CDH8: variants seen among roughly 807,000 people sequenced by gnomAD.
CDH8 encodes cadherin-8.
A neutral mutation model predicts 68.1 loss-of-function variants in CDH8; 17 were observed. That is an observed-to-expected ratio of 0.25 (90% CI 0.17 to 0.37). The LOEUF is 0.37. Ranked by LOEUF, CDH8 falls within the 10% of genes least tolerant of loss-of-function variation. The probability of loss-of-function intolerance (pLI) is 1.00; values close to 1 mark genes in which losing one functional copy is unlikely to be tolerated. For synonymous variants in CDH8, 372 were observed against 365.1 expected (o/e 1.02, Z -0.21); for missense variants, 763 against 999.3 (o/e 0.76, Z 3.19).
chr16:61,870,037 TA>T (rs1963327401), intron 3 of CDH8, among the ~76,000 whole-genome samples: 1 of 152,236 alleles, frequency 6.6e-6, no homozygotes, highest in Non-Finnish European at 1.5e-5. Flanking sequence ...GGCTAATTTG[TA>T]GTTGACTCCA....
intron 1 of CDH8, among the ~76,000 whole-genome samples, chr16:62,022,533 T>A (rs1902099264): frequency 1.3e-5 from 2 of 152,266 alleles, no homozygotes; most frequent in African/African-American, 2.4e-5. Flanking sequence ...TGGCAAAATG[T>A]GTTTCTTTAC....
intron 2 of CDH8, among the ~76,000 whole-genome samples, chr16:61,933,440 G>C (rs1184384288): frequency 6.6e-6 from 1 of 152,172 alleles, no homozygotes; most frequent in Non-Finnish European, 1.5e-5. Context: ...AGAGTAACAT[G>C]TCCAGACATG....
At chr16:61,931,760 T>G (rs2143482478) in intron 2 of CDH8, among the ~76,000 whole-genome samples, 1 of 152,302 alleles carries the variant, frequency 6.6e-6, no homozygotes, top group South Asian at 2.1e-4. Flanking sequence ...CTACCCACAG[T>G]TATAAGACGT....
At chr16:61,728,755 T>G (rs1389418030) in intron 8 of CDH8, among the ~76,000 whole-genome samples, 1 of 151,146 alleles carries the variant, frequency 6.6e-6, no homozygotes, top group Non-Finnish European at 1.5e-5. Flanking sequence ...AAATAGCAGT[T>G]CTTGGAAAGT....
chr16:61,694,559 T>G (rs181055641), intron 10 of CDH8, among the ~76,000 whole-genome samples: 75 of 152,088 alleles, frequency 4.9e-4, no homozygotes, highest in African/African-American at 1.8e-3. Flanking sequence ...TCGGTCATAT[T>G]GGGAATGATG....
At chr16:61,694,768 T>TTGGTGGTGG (rs927663987) in intron 10 of CDH8, among the ~76,000 whole-genome samples, 4 of 151,760 alleles carry the variant, frequency 2.6e-5, no homozygotes, top group African/African-American at 9.7e-5. Flanking sequence ...GTTGTTGCTG[T>TTGGTGGTGG]TGGTGGTGGT....
At chr16:61,699,304 C>T (rs1372480848) in intron 10 of CDH8, among the ~76,000 whole-genome samples, 1 of 152,120 alleles carries the variant, frequency 6.6e-6, no homozygotes, top group Non-Finnish European at 1.5e-5. Flanking sequence ...AATCTTTCAC[C>T]ACCATGCGTT....
At chr16:61,757,426 A>G (rs1197221024) in intron 8 of CDH8, among the ~76,000 whole-genome samples, 1 of 152,142 alleles carries the variant, frequency 6.6e-6, no homozygotes, top group African/African-American at 2.4e-5. Context: ...TTTGATTTTT[A>G]AAGTCTTTGA....
chr16:61,968,710 T>A (rs1965292847), intron 2 of CDH8, among the ~76,000 whole-genome samples: 1 of 152,242 alleles, frequency 6.6e-6, no homozygotes, highest in Non-Finnish European at 1.5e-5. Context: ...CATAAATTCA[T>A]GCTGTTAAAA....
intron 2 of CDH8, among the ~76,000 whole-genome samples, chr16:61,922,512 G>A (rs1351524646): frequency 2.0e-5 from 3 of 151,946 alleles, no homozygotes; most frequent in Non-Finnish European, 4.4e-5. Context: ...TTTGCATCCT[G>A]CTTTTTTCAC....
At chr16:61,995,262 A>T (rs1965789547) in intron 2 of CDH8, among the ~76,000 whole-genome samples, 2 of 152,244 alleles carry the variant, frequency 1.3e-5, no homozygotes, top group African/African-American at 4.8e-5. Context: ...AGGAAACACA[A>T]AACAAATTGT....
rs555637402 is a variant in CDH8 at position 62,036,157 on chromosome 16, A to C, written c.-277T>G. 1 of 152,376 alleles carries C rather than the reference A, an allele frequency of 6.6e-6. No individual in the cohort carries two copies. Among genetic ancestry groups the C allele is most frequent in the African/African-American group, 2.4e-5 (1 of 41,582 alleles). The allele number at this position is 152,376 out of a possible 1,614,324, so 9.4% of individuals were successfully genotyped here. A position where few individuals can be genotyped will look rare whatever the true frequency, so the allele number is the denominator to read the frequency against. ...TGGAGGTGCTCGGGGTTAGCTCCCG[A>C]GGGCGGCAAGCGCCGACCGGTCCTC... is the stretch of plus-strand genomic sequence containing the variant. On this transcript the variant is annotated 5_prime_UTR_variant, in exon 1 of 12. Transcript: ENST00000577390.
At chr16:61,828,332 A>C (rs1369889146) in intron 4 of CDH8, among the ~76,000 whole-genome samples, 1 of 151,924 alleles carries the variant, frequency 6.6e-6, no homozygotes, top group African/African-American at 2.4e-5. Flanking sequence ...CAGCAGCCCC[A>C]GGGCTGCCCC....
At chr16:61,655,436 A>G (rs774280986) in intron 11 of CDH8, 34 bp downstream of exon 11, 5 of 1,602,910 alleles carry the variant, frequency 3.1e-6, no homozygotes, top group Admixed American at 1.7e-5. Flanking sequence ...AATCAGAAAA[A>G]GGGTGACCGG....
intron 3 of CDH8, among the ~76,000 whole-genome samples, chr16:61,900,489 T>C (rs1963949808): frequency 6.6e-6 from 1 of 152,156 alleles, no homozygotes; most frequent in Non-Finnish European, 1.5e-5. Flanking sequence ...GGGTTTCTTA[T>C]CATCATGGCA....
chr16:61,960,430 T>C (rs985504624), intron 2 of CDH8, among the ~76,000 whole-genome samples: 1 of 151,376 alleles, frequency 6.6e-6, no homozygotes, highest in South Asian at 2.1e-4. Flanking sequence ...TGTATACACA[T>C]ACATATGTAA....
intron 7 of CDH8, among the ~76,000 whole-genome samples, chr16:61,814,585 A>G (rs1028082026): frequency 1.1e-4 from 17 of 152,336 alleles, no homozygotes; most frequent in African/African-American, 4.1e-4. Context: ...ATAACTGCCT[A>G]TTTCTTGCTG....
chr16:61,835,323 C>G (rs1962545470), intron 4 of CDH8, among the ~76,000 whole-genome samples: 2 of 151,922 alleles, frequency 1.3e-5, no homozygotes, highest in South Asian at 2.1e-4. Flanking sequence ...AAAAAAACTA[C>G]AGCTTCTTAA....
intron 10 of CDH8, among the ~76,000 whole-genome samples, chr16:61,658,831 C>A (rs1963500992): frequency 1.3e-5 from 2 of 152,070 alleles, no homozygotes; most frequent in African/African-American, 4.8e-5. Context: ...ATAATTACAT[C>A]TTTATCATCA....
Sources: gnomAD v4.1 joint callset for allele counts (sites outside exome capture counted in the v4.1 genomes callset) on GRCh38, gnomAD v4.1.1 for gene constraint, MANE v1.5 for transcripts, NCBI Gene and HGNC (gene_info 2026-07-23, HGNC 2026-07-21) for gene names.